ARHGAP24: variants seen among roughly 807,000 people sequenced by gnomAD.
The protein encoded by ARHGAP24 is Rho GTPase activating protein 24, also known as rho GTPase-activating protein 24.
Under a neutral mutation model 76.4 loss-of-function variants are expected in ARHGAP24, and 50 were observed. The ratio of observed to expected loss-of-function variants is 0.65; its 90% CI spans 0.52 to 0.83. The LOEUF (loss-of-function observed/expected upper bound fraction) is 0.83. Ranked by LOEUF, ARHGAP24 falls within the 40% of genes least tolerant of loss-of-function variation. The pLI is 0.00. For synonymous variants in ARHGAP24, 345 were observed against 323.3 expected, an observed-to-expected ratio of 1.07 and a Z score of -0.72; for missense variants, 930 against 914.2, an observed-to-expected ratio of 1.02 and a Z score of -0.22.
intron 3 of ARHGAP24, among the ~76,000 whole-genome samples, chr4:85,737,668 A>G (rs926968923): frequency 1.3e-5 from 2 of 152,200 alleles, no homozygotes; most frequent in African/African-American, 2.4e-5. Flanking sequence ...GAGCTGTTAC[A>G]TGTACTCACT....
At chr4:85,697,391 T>A (rs886347994) in intron 2 of ARHGAP24, among the ~76,000 whole-genome samples, 36 of 152,316 alleles carry the variant, frequency 2.4e-4, no homozygotes, top group African/African-American at 7.9e-4. Context: ...TGCATAGTAT[T>A]CCATGGTGTA....
chr4:85,638,783 C>T (rs1721415211), intron 2 of ARHGAP24, among the ~76,000 whole-genome samples: 1 of 152,116 alleles, frequency 6.6e-6, no homozygotes, highest in African/African-American at 2.4e-5. Flanking sequence ...CTACTGAACA[C>T]CCTGTTCTTC....
intron 2 of ARHGAP24, among the ~76,000 whole-genome samples, chr4:85,583,926 A>ATGTAACTAACCTGCACAATGTGCACATGT (rs1263122309): frequency 6.9e-6 from 1 of 144,456 alleles, no homozygotes; most frequent in Non-Finnish European, 1.5e-5. Flanking sequence ...GGCAATCGTT[A>ATGTAACTAACCTGCACAATGTGCACATGT]AAAAGTCAGG....
At chr4:85,809,717 G>T (rs1728932354) in intron 3 of ARHGAP24, among the ~76,000 whole-genome samples, 2 of 152,180 alleles carry the variant, frequency 1.3e-5, no homozygotes, top group Non-Finnish European at 2.9e-5. Context: ...AGGCTTTTCA[G>T]ATCAGAGGAG....
intron 1 of ARHGAP24, among the ~76,000 whole-genome samples, chr4:85,507,819 G>A (rs368934067): frequency 2.8e-4 from 42 of 152,178 alleles, no homozygotes; most frequent in African/African-American, 8.4e-4. Flanking sequence ...GAATAGAAGT[G>A]ATATTCAATA....
At chr4:85,992,464 A>G (rs149605344) in intron 8 of ARHGAP24, among the ~76,000 whole-genome samples, 11 of 152,232 alleles carry the variant, frequency 7.2e-5, no homozygotes, top group Admixed American at 4.6e-4. Context: ...TTGCTCTTCA[A>G]TTAATTACAT....
chr4:85,619,366 A>G (rs1036888067), intron 2 of ARHGAP24, among the ~76,000 whole-genome samples: 1 of 151,782 alleles, frequency 6.6e-6, no homozygotes, highest in Non-Finnish European at 1.5e-5. Flanking sequence ...TGATTGCTCT[A>G]TATTCGTAGT....
At chr4:85,798,118 C>T (rs1728441091) in intron 3 of ARHGAP24, among the ~76,000 whole-genome samples, 1 of 152,090 alleles carries the variant, frequency 6.6e-6, no homozygotes, top group Admixed American at 6.6e-5. Context: ...TCTGTTAAAA[C>T]TGAATCAAAA....
intron 3 of ARHGAP24, among the ~76,000 whole-genome samples, chr4:85,874,673 T>G (rs183458121): frequency 2.7e-5 from 4 of 149,266 alleles, no homozygotes; most frequent in Admixed American, 2.0e-4. Context: ...CTAAGAAACA[T>G]GTAGCAGGAG....
chr4:85,652,612 A>G (rs187263574), intron 2 of ARHGAP24, among the ~76,000 whole-genome samples: 2 of 152,342 alleles, frequency 1.3e-5, no homozygotes, highest in Admixed American at 6.5e-5. Context: ...TGCCTGAATC[A>G]TTCTAGAGCC....
At chr4:85,634,884 A>AT (rs1721264588) in intron 2 of ARHGAP24, among the ~76,000 whole-genome samples, 1 of 151,466 alleles carries the variant, frequency 6.6e-6, no homozygotes, top group African/African-American at 2.4e-5. Context: ...CTCATTTCTC[A>AT]TTTTTTCCTT....
intron 3 of ARHGAP24, among the ~76,000 whole-genome samples, chr4:85,727,173 T>G (rs1480162784): frequency 6.6e-6 from 1 of 152,040 alleles, no homozygotes; most frequent in Non-Finnish European, 1.5e-5. Context: ...TGAGCAGAGA[T>G]CTCACCATTG....
At chr4:85,919,628 C>G (rs1246477955) in intron 3 of ARHGAP24, among the ~76,000 whole-genome samples, 2 of 152,062 alleles carry the variant, frequency 1.3e-5, no homozygotes, top group East Asian at 3.9e-4. Flanking sequence ...GGGTCAGACA[C>G]GCAGCACCAC....
intron 3 of ARHGAP24, among the ~76,000 whole-genome samples, chr4:85,895,470 G>A (rs1179824613): frequency 6.6e-6 from 1 of 152,092 alleles, no homozygotes; most frequent in Admixed American, 6.6e-5. Context: ...AATGAACATG[G>A]AATTCATTCC....
At chr4:85,576,759 T>C (rs1280508260) in intron 2 of ARHGAP24, among the ~76,000 whole-genome samples, 1 of 152,184 alleles carries the variant, frequency 6.6e-6, no homozygotes, top group African/African-American at 2.4e-5. Context: ...TATTATTTTA[T>C]TCCACTGTTA....
chr4:85,554,029 C>G (rs1378335740), intron 1 of ARHGAP24, among the ~76,000 whole-genome samples: 2 of 152,138 alleles, frequency 1.3e-5, no homozygotes, highest in Non-Finnish European at 2.9e-5. Context: ...ATTCCATCAC[C>G]ATTTGCTTGT....
At chr4:85,539,439 T>G (rs968820896) in intron 1 of ARHGAP24, among the ~76,000 whole-genome samples, 6 of 152,300 alleles carry the variant, frequency 3.9e-5, no homozygotes, top group Admixed American at 3.9e-4. Context: ...TTAAGAGAAT[T>G]ATTTAACACA....
chr4:85,859,320 G>A (rs1731758272), intron 3 of ARHGAP24, among the ~76,000 whole-genome samples: 1 of 151,732 alleles, frequency 6.6e-6, no homozygotes, highest in Middle Eastern at 3.2e-3. Context: ...TCAGTCATAA[G>A]CTACCAAGAC....
chr4:85,978,536 A>G (rs763145925), intron 8 of ARHGAP24, among the ~76,000 whole-genome samples: 1 of 152,158 alleles, frequency 6.6e-6, no homozygotes, highest in Non-Finnish European at 1.5e-5. Context: ...TGAACATCAG[A>G]TTTTTGGCAA....
Sources: allele counts gnomAD v4.1 joint callset (sites outside exome capture counted in the v4.1 genomes callset), GRCh38; gene constraint gnomAD v4.1.1; transcripts MANE v1.5; gene names NCBI Gene and HGNC (gene_info 2026-07-23, HGNC 2026-07-21).